The following PIEZO1 variants were observed in gnomAD, a reference collection of about 807,000 sequenced individuals.
PIEZO1 encodes the protein piezo type mechanosensitive ion channel component 1 (Er blood group).
A neutral mutation model predicts 297.2 loss-of-function variants in PIEZO1; 296 were observed. That is an observed-to-expected ratio of 1.00 (90% confidence interval 0.91 to 1.10). The LOEUF (loss-of-function observed/expected upper bound fraction) is 1.10, where lower values mean the gene tolerates loss of function less well. Among genes scored for constraint, PIEZO1 ranks in the 50% least tolerant of loss-of-function variants. PIEZO1 has a pLI of 0.00. For synonymous variants in PIEZO1, 2,427 were observed against 1,507.5 expected (o/e 1.61, Z -14.13); for missense variants, 5,018 against 3,455.5 (o/e 1.45, Z -11.34).
At chr16:88,770,058 C>T (rs943025168) in intron 1 of PIEZO1, among the ~76,000 whole-genome samples, 1 of 152,204 alleles carries the variant, frequency 6.6e-6, no homozygotes, top group Non-Finnish European at 1.5e-5. Flanking sequence ...ACGCATGGCC[C>T]GTCCCCAGGG....
intron 1 of PIEZO1, among the ~76,000 whole-genome samples, chr16:88,757,350 C>G (rs112311760): frequency 2.0e-5 from 3 of 149,462 alleles, no homozygotes; most frequent in African/African-American, 7.4e-5. Flanking sequence ...CCTAACCTGC[C>G]TGCTTTCCCG....
chr16:88,731,399 G>A (rs1234355644), intron 22 of PIEZO1: 2 of 377,242 alleles, frequency 5.3e-6, no homozygotes, highest in African/African-American at 2.1e-5. Flanking sequence ...ACCCGCACGG[G>A]GCCCGGAGAG....
In PIEZO1 at chr16:88,720,224, A is replaced by G; in HGVS notation, c.6009T>C (p.Ala2003=). Residue 2003 remains alanine, a synonymous_variant, in exon 42 of 51, where the codon GCT becomes GCC. Transcript: ENST00000301015. ...SSLSDDQVPE[A]FLVMLLIQFS... The stretch of plus-strand genomic sequence containing the variant: ...ACTGGATCAGCAGCATGACCAGGAA[A>G]GCCTCGGGTACCTGGTCGTCTGATA... 1 of 1,550,554 alleles carries G rather than the reference A, an allele frequency of 6.4e-7. No homozygotes were observed. The highest frequency in any genetic ancestry group is 8.7e-7 in the Non-Finnish European group (1 of 1,146,968).
chr16:88,780,173 C>T (rs1244727579), intron 1 of PIEZO1, among the ~76,000 whole-genome samples: 2 of 152,208 alleles, frequency 1.3e-5, no homozygotes, highest in African/African-American at 4.8e-5. Context: ...TCAGGTGCCT[C>T]GGCCAGCAGG....
intron 2 of PIEZO1, chr16:88,745,706 G>C (rs1178462344): frequency 7.7e-6 from 1 of 129,698 alleles, no homozygotes; most frequent in Non-Finnish European, 1.6e-5. Context: ...TTGAGATCGC[G>C]CCACTGCACT....
intron 1 of PIEZO1, among the ~76,000 whole-genome samples, chr16:88,770,173 G>A (rs763631076): frequency 5.3e-5 from 8 of 151,736 alleles, no homozygotes; most frequent in Admixed American, 2.0e-4. Flanking sequence ...CCCAAGCCTC[G>A]GTCTGTCGGG....
At chr16:88,722,498 A>G in intron 35 of PIEZO1, 85 bp downstream of exon 35, 1 of 1,424,510 alleles carries the variant, frequency 7.0e-7, no homozygotes, top group Non-Finnish European at 9.3e-7. Flanking sequence ...TTTGGGGTAC[A>G]AGGGAATGGC....
At chr16:88,720,843 T>A (rs1054877893) in intron 39 of PIEZO1, 95 bp from the exon 40 acceptor site, 1 of 1,335,016 alleles carries the variant, frequency 7.5e-7, no homozygotes. Context: ...TCTCCCTGTT[T>A]GACAGACAAG....
Position 88,785,194 on chromosome 16 carries a change from G to A in PIEZO1, c.-230C>T, listed in dbSNP as rs899016766. On this transcript the variant is annotated 5_prime_UTR_variant, in exon 1 of 51. Transcript: ENST00000301015. Reference sequence around the variant, plus strand: ...GGAGCGCAGCGCTCGGCTCACTGGGGCCGAGCTGGGCCGGACGGCGGCTCC... The same window carrying A: ...GGAGCGCAGCGCTCGGCTCACTGGGACCGAGCTGGGCCGGACGGCGGCTCC... 17 of 253,366 alleles carry A rather than the reference G, an allele frequency of 6.7e-5. No homozygotes were observed. The Admixed American group carries it at 8.9e-4, about 13-fold the overall frequency. The allele number at this position is 253,366 out of a possible 1,614,324, so 15.7% of individuals were successfully genotyped here.
At chr16:88,737,278 T>G (rs972551188) in intron 10 of PIEZO1, 1 of 391,368 alleles carries the variant, frequency 2.6e-6, no homozygotes, top group Non-Finnish European at 4.7e-6. Context: ...TGGGGAGGGG[T>G]TGGGGGACCT....
Position 88,725,084 on chromosome 16 carries a change from T to G in PIEZO1, c.4163-4A>C. On this transcript the variant is annotated splice_region_variant and splice_polypyrimidine_tract_variant and intron_variant, in intron 29 of 50. Coordinates refer to ENST00000301015, the MANE Select transcript of PIEZO1 (RefSeq NM_001142864.4). ...GAGCCCCCTGGACTGTCGGGCCCTGTGGAGGGGCAGGGTGAGCATGAGGCA... is the reference window on the plus strand; with the variant it reads ...GAGCCCCCTGGACTGTCGGGCCCTGGGGAGGGGCAGGGTGAGCATGAGGCA... The G allele has an allele frequency of 6.6e-7, 1 of 1,507,632 alleles. No individual in the cohort carries two copies. The highest frequency in any genetic ancestry group is 8.8e-7 in the Non-Finnish European group (1 of 1,130,930). 93.4% of individuals were successfully genotyped at this position (1,507,632 alleles called of 1,614,324 possible).
rs955978160 is a variant in PIEZO1 at position 88,726,274 on chromosome 16, C to T, written c.3968+10G>A. 3 of 1,544,266 alleles carry T rather than the reference C, an allele frequency of 1.9e-6. No homozygotes were observed. Among genetic ancestry groups the T allele is most frequent in the Non-Finnish European group, 2.6e-6 (3 of 1,143,962 alleles). ...CGGGAGCTCTGGGCTGTGTCTGGGC[C>T]CAAGCTTGCCTGGAGGCTAGCAGGG... On this transcript the variant is annotated intron_variant, in intron 27 of 50. Coordinates refer to ENST00000301015, the MANE Select transcript of PIEZO1 (RefSeq NM_001142864.4).
chr16:88,715,537 G>A lies in PIEZO1; in HGVS notation c.*68C>T. The A allele has an allele frequency of 2.1e-6, 3 of 1,461,374 alleles. No homozygotes were observed. The highest frequency in any genetic ancestry group is 2.0e-5 in the Admixed American group (1 of 50,246). The allele number at this position is 1,461,374 out of a possible 1,614,324, so 90.5% of individuals were successfully genotyped here. A position where few individuals can be genotyped will look rare whatever the true frequency, so the allele number is the denominator to read the frequency against. On this transcript the variant is annotated 3_prime_UTR_variant, in exon 51 of 51. Transcript: ENST00000301015. ...GGCAGTGGCTCCCCCGGCCTGAGGA[G>A]TGCCGCCCCTTGTGGCCACGCTGCC... is the stretch of plus-strand genomic sequence containing the variant.
At chr16:88,717,326 GCACAGC>G in intron 44 of PIEZO1, 115 bp from the exon 45 acceptor site, 2 of 871,614 alleles carry the variant, frequency 2.3e-6, no homozygotes, top group Non-Finnish European at 3.7e-6. Flanking sequence ...CCTCAGTATG[GCACAGC>G]GGTAGTAATG....
intron 21 of PIEZO1, 85 bp downstream of exon 21, chr16:88,732,250 G>C: frequency 1.6e-6 from 2 of 1,244,992 alleles, no homozygotes; most frequent in Middle Eastern, 1.9e-4. Flanking sequence ...GGTGGGGCCA[G>C]GCTTGCGGTG....
Position 88,741,497 on chromosome 16 carries a change from C to A in PIEZO1, c.446G>T (p.Ser149Ile). The A allele has an allele frequency of 1.3e-6, 2 of 1,535,442 alleles. No individual in the cohort carries two copies. Among genetic ancestry groups the A allele is most frequent in the African/African-American group, 1.4e-5 (1 of 73,174 alleles). Residue 149 changes from serine (S) to isoleucine (I), a missense_variant, in exon 5 of 51, where the codon AGC becomes ATC. Physicochemically the swap from Ser to Ile is moderately radical, Grantham distance 142. Transcript: ENST00000301015. ...CCTCACCAGCTCCCGTGGATGTGGG[C>A]TCTGCCGGGTGTTCCTTGCAAGGCG... is the stretch of plus-strand genomic sequence containing the variant. ...CGRLARNTRQ[S>I]PHPRELDDDE...
rs111965636 is a variant in PIEZO1, at chr16:88,760,979, G to A, written c.65-11500C>T. 5.0e-3 allele frequency among the ~76,000 whole-genome samples: 755 copies of A among 152,318 alleles called. 2 individuals carry two copies. The highest frequency in any genetic ancestry group is 0.017 in the African/African-American group (709 of 41,582). On this transcript the variant is annotated intron_variant, in intron 1 of 50. Coordinates refer to ENST00000301015, the MANE Select transcript of PIEZO1 (RefSeq NM_001142864.4). ...GGCTGCTGTGGGCTGGGCACCCACC[G>A]CACCTGCCACAGCCATCTGCTCTCA...
chr16:88,732,504 A>C lies in PIEZO1; in HGVS notation c.2822T>G (p.Phe941Cys), dbSNP rs1246542964. Reference protein sequence around the residue: ...NHLQVLLLLVFEAIVYRRQEH... With the variant: ...NHLQVLLLLVCEAIVYRRQEH... ...CTGGCGCCGGTACACGATGGCCTCG[A>C]ATACCAGCAGCAGCAGCACTTGCAG... The change falls in exon 21 of 51, where the codon TTC (phenylalanine) becomes TGC (cysteine). Residue 941 changes from phenylalanine to cysteine, a missense_variant. By Grantham distance (205) the Phe-to-Cys change is radical. Coordinates refer to ENST00000301015, the MANE Select transcript of PIEZO1 (RefSeq NM_001142864.4). The C allele has an allele frequency of 1.3e-6, 2 of 1,547,930 alleles. No individual in the cohort carries two copies. The highest frequency in any genetic ancestry group is 2.0e-5 in the Admixed American group (1 of 50,932).
chr16:88,736,777 T>C (rs1905248717), intron 10 of PIEZO1, 38 bp from the exon 11 acceptor site: 1 of 1,322,518 alleles, frequency 7.6e-7, no homozygotes, highest in Non-Finnish European at 1.0e-6. Flanking sequence ...GGCAGGTTGA[T>C]CTGCAGGCCT....
Sources: allele counts gnomAD v4.1 joint callset (sites outside exome capture counted in the v4.1 genomes callset), GRCh38; gene constraint gnomAD v4.1.1; transcripts MANE v1.5; gene names NCBI Gene and HGNC (gene_info 2026-07-23, HGNC 2026-07-21).